CLSTN2: variants seen among roughly 807,000 people sequenced by gnomAD.
The protein encoded by CLSTN2 is calsyntenin-2.
A neutral mutation model predicts 101.2 loss-of-function variants in CLSTN2; 48 were observed. The observed-to-expected ratio is 0.47, with a 90% CI of 0.38 to 0.60. CLSTN2 has a LOEUF of 0.60. Among genes scored for constraint, CLSTN2 ranks in the 20% least tolerant of loss-of-function variants. The probability of loss-of-function intolerance (pLI) is 0.00; values close to 1 mark genes in which losing one functional copy is unlikely to be tolerated. For synonymous variants in CLSTN2, 481 were observed against 463.6 expected (o/e 1.04, Z -0.48); for missense variants, 1,160 against 1,238.2 (o/e 0.94, Z 0.95).
chr3:140,516,753 G>T (rs1181915412), intron 8 of CLSTN2, among the ~76,000 whole-genome samples: 1 of 152,136 alleles, frequency 6.6e-6, no homozygotes, highest in Non-Finnish European at 1.5e-5. Context: ...TTGCCTCGCA[G>T]CTCTTAAGAT....
At chr3:140,072,767 T>C (rs1360123462) in intron 1 of CLSTN2, among the ~76,000 whole-genome samples, 2 of 152,216 alleles carry the variant, frequency 1.3e-5, no homozygotes, top group Admixed American at 6.5e-5. Flanking sequence ...AAGGGTAGCA[T>C]TGTGGCTTAT....
chr3:140,286,630 C>T (rs1279595638), intron 2 of CLSTN2, among the ~76,000 whole-genome samples: 9 of 152,180 alleles, frequency 5.9e-5, no homozygotes, highest in Admixed American at 5.9e-4. Flanking sequence ...ACCTTTAGGG[C>T]AGGGACCATG....
chr3:140,279,973 ACT>A (rs1393957998), intron 2 of CLSTN2, among the ~76,000 whole-genome samples: 5 of 151,852 alleles, frequency 3.3e-5, no homozygotes, highest in Admixed American at 3.3e-4. Flanking sequence ...GGCTCGCTCC[ACT>A]CTCTTGTCAG....
intron 1 of CLSTN2, among the ~76,000 whole-genome samples, chr3:140,170,478 C>A (rs2010194823): frequency 6.6e-6 from 1 of 152,148 alleles, no homozygotes; most frequent in Admixed American, 6.6e-5. Flanking sequence ...ACATTTAAAT[C>A]CCTCTAAGCC....
Position 140,532,437 on chromosome 3 carries a change from T to G in CLSTN2, c.1458T>G (p.Ile486Met). 2 of 1,614,050 alleles carry G rather than the reference T, an allele frequency of 1.2e-6. No homozygotes were observed. The highest frequency in any genetic ancestry group is 1.7e-6 in the Non-Finnish European group (2 of 1,179,952). Residue 486 changes from isoleucine (I) to methionine (M), a missense_variant, in exon 9 of 17, where the codon ATT (isoleucine) becomes ATG (methionine). Transcript: ENST00000458420. ...EPYLVTNDWP[I>M]HPSHIAMQLT... Reference sequence around the variant, plus strand: ...ACCTGGTGACCAACGACTGGCCCATTCATCCATCTCACATAGCCATGCAAC... The same window carrying G: ...ACCTGGTGACCAACGACTGGCCCATGCATCCATCTCACATAGCCATGCAAC...
rs1576384611 is a variant in CLSTN2, at chr3:140,576,351, A to G, written c.*10098A>G. The G allele has an allele frequency of 6.6e-6, 1 of 152,138 alleles. No individual in the cohort carries two copies. The highest frequency in any genetic ancestry group is 1.5e-5 in the Non-Finnish European group (1 of 68,026). The allele number at this position is 152,138 out of a possible 1,614,324, so 9.4% of individuals were successfully genotyped here. On this transcript the variant is annotated 3_prime_UTR_variant, in exon 17 of 17. Coordinates refer to ENST00000458420, the MANE Select transcript of CLSTN2 (RefSeq NM_022131.3). ...CTGTCTAAAGCTGTAGCTTGTCTCT[A>G]CTATTGTCTCTACACCGTTGCCCAA... is the stretch of plus-strand genomic sequence containing the variant.
At chr3:140,490,508 C>T (rs147234322) in intron 8 of CLSTN2, among the ~76,000 whole-genome samples, 1 of 149,996 alleles carries the variant, frequency 6.7e-6, no homozygotes, top group Non-Finnish European at 1.5e-5. Flanking sequence ...TGCCCTGGAC[C>T]ACTTCAAAAT....
Position 140,532,368 on chromosome 3 carries a change from T to G in CLSTN2, c.1389T>G (p.Phe463Leu), listed in dbSNP as rs1450263157. Residue 463 changes from phenylalanine to leucine, a missense_variant, in exon 9 of 17, where the codon TTT becomes TTG. By Grantham distance (22) the Phe-to-Leu change is conservative (BLOSUM62 0). Coordinates refer to ENST00000458420, the MANE Select transcript of CLSTN2 (RefSeq NM_022131.3). ...EWHYYVINVE[F>L]PVVTLYMDGA... ...ACTACTATGTCATCAATGTGGAGTT[T>G]CCTGTGGTAACCTTATACATGGATG... 3.7e-6 allele frequency: 6 copies of G among 1,612,954 alleles called. No homozygotes were observed. The highest frequency in any genetic ancestry group is 1.1e-5 in the South Asian group (1 of 90,826).
intron 1 of CLSTN2, among the ~76,000 whole-genome samples, chr3:139,971,573 G>A (rs988041710): frequency 4.6e-5 from 7 of 152,120 alleles, no homozygotes; most frequent in Admixed American, 1.3e-4. Flanking sequence ...AAAGGGGAGC[G>A]GTTCCCCAAG....
intron 2 of CLSTN2, among the ~76,000 whole-genome samples, chr3:140,277,597 A>G (rs561668286): frequency 6.6e-6 from 1 of 152,338 alleles, no homozygotes; most frequent in African/African-American, 2.4e-5. Flanking sequence ...TCTGCACTGC[A>G]TGCTGCATAA....
At chr3:140,325,000 C>T (rs773972862) in intron 2 of CLSTN2, among the ~76,000 whole-genome samples, 13 of 152,186 alleles carry the variant, frequency 8.5e-5, no homozygotes, top group African/African-American at 3.1e-4. Context: ...AGAGGATTGG[C>T]ATGCATCCTT....
At chr3:140,014,772 G>T (rs772888247) in intron 1 of CLSTN2, among the ~76,000 whole-genome samples, 1 of 152,168 alleles carries the variant, frequency 6.6e-6, no homozygotes, top group Non-Finnish European at 1.5e-5. Context: ...AGATGGCAGA[G>T]TGTGCAGGAG....
intron 8 of CLSTN2, among the ~76,000 whole-genome samples, chr3:140,480,394 C>T (rs1362511309): frequency 2.0e-5 from 3 of 151,990 alleles, no homozygotes; most frequent in Middle Eastern, 3.2e-3. Flanking sequence ...TGAATAGTGC[C>T]GCAATAAACA....
At chr3:139,959,517 T>C (rs1465751223) in intron 1 of CLSTN2, among the ~76,000 whole-genome samples, 1 of 152,200 alleles carries the variant, frequency 6.6e-6, no homozygotes. Context: ...AGTGATACAT[T>C]TGATGCCAAA....
chr3:140,387,785 A>T (rs2088068753), intron 2 of CLSTN2, among the ~76,000 whole-genome samples: 1 of 152,264 alleles, frequency 6.6e-6, no homozygotes, highest in African/African-American at 2.4e-5. Context: ...TAATAATAAA[A>T]GCTTTGCTTT....
At chr3:140,390,546 G>C (rs78608586) in intron 2 of CLSTN2, among the ~76,000 whole-genome samples, 19,770 of 152,214 alleles carry the variant, frequency 0.13, 1,369 homozygotes, top group Admixed American at 0.15. Context: ...CATAACATGT[G>C]AGATAGAAAT....
intron 1 of CLSTN2, among the ~76,000 whole-genome samples, chr3:140,152,639 A>G (rs2009885737): frequency 6.6e-6 from 1 of 152,208 alleles, no homozygotes; most frequent in Non-Finnish European, 1.5e-5. Flanking sequence ...ATTGGTGCTC[A>G]CGTTCTATTA....
chr3:140,541,659 G>C (rs1015027512), intron 9 of CLSTN2, among the ~76,000 whole-genome samples: 3 of 152,112 alleles, frequency 2.0e-5, no homozygotes, highest in African/African-American at 7.2e-5. Context: ...ATTCCTTGTC[G>C]GCATCACCCC....
At chr3:140,540,147 G>T (rs970131883) in intron 9 of CLSTN2, among the ~76,000 whole-genome samples, 2 of 152,190 alleles carry the variant, frequency 1.3e-5, no homozygotes, top group Non-Finnish European at 2.9e-5. Context: ...CTGGATGATA[G>T]ATGAAAGCCC....
Sources: allele counts gnomAD v4.1 joint callset (sites outside exome capture counted in the v4.1 genomes callset), GRCh38; gene constraint gnomAD v4.1.1; transcripts MANE v1.5; gene names NCBI Gene and HGNC (gene_info 2026-07-23, HGNC 2026-07-21).